Variants in RGS5 observed in about 807,000 individuals in gnomAD.
RGS5 encodes the protein regulator of G-protein signalling 5.
In RGS5, 20 loss-of-function variants were observed where a neutral mutation model predicts 18.9. The ratio of observed to expected loss-of-function variants is 1.06; its 90% CI spans 0.74 to 1.54. RGS5 has a LOEUF of 1.54. RGS5 is among the 40% of genes most tolerant of loss of function. The pLI is 0.00. For synonymous variants in RGS5, 57 were observed against 76.2 expected, an observed-to-expected ratio of 0.75 and a Z score of 1.31; for missense variants, 201 against 211.8, an observed-to-expected ratio of 0.95 and a Z score of 0.32.
intron 1 of RGS5, among the ~76,000 whole-genome samples, chr1:163,172,168 TG>T (rs1208710600): frequency 1.3e-5 from 2 of 152,188 alleles, no homozygotes; most frequent in African/African-American, 4.8e-5. Context: ...GATAGAGGGA[TG>T]GATGTTGGAG....
In RGS5 at chr1:163,161,988, A is replaced by G. The variant is rs769973344; in HGVS notation, c.156-12T>C. ...CGTCCAGCGAGGTTCTACATCAATA[A>G]TAAGGAGAGAAAAGGGGTATGGCGT... On this transcript the variant is annotated splice_polypyrimidine_tract_variant and intron_variant, in intron 2 of 4. Coordinates refer to ENST00000313961, the MANE Select transcript of RGS5 (RefSeq NM_003617.4). The G allele has an allele frequency of 2.3e-5, 37 of 1,608,202 alleles. No individual in the cohort carries two copies. Among genetic ancestry groups the G allele is most frequent in the Middle Eastern group, 1.6e-4 (1 of 6,064 alleles).
intron 2 of RGS5, among the ~76,000 whole-genome samples, chr1:163,274,472 CT>C (rs777281446): frequency 8.6e-5 from 13 of 151,700 alleles, no homozygotes; most frequent in Non-Finnish European, 1.8e-4. Context: ...ACCTTTTCAT[CT>C]GCTTATCCAT....
chr1:163,271,661 T>G (rs1648722915), intron 2 of RGS5, among the ~76,000 whole-genome samples: 1 of 152,186 alleles, frequency 6.6e-6, no homozygotes, highest in Non-Finnish European at 1.5e-5. Flanking sequence ...ATTTTGTTGT[T>G]TGGACACACC....
intron 2 of RGS5, among the ~76,000 whole-genome samples, chr1:163,164,083 G>A (rs1472050190): frequency 6.6e-6 from 1 of 152,086 alleles, no homozygotes; most frequent in Non-Finnish European, 1.5e-5. Flanking sequence ...GGGTGAAATT[G>A]GTCCAAATTG....
intron 1 of RGS5, among the ~76,000 whole-genome samples, chr1:163,196,337 CA>C (rs761606816): frequency 1.4e-4 from 21 of 152,136 alleles, no homozygotes; most frequent in South Asian, 2.1e-4. Context: ...GCAGTACAGA[CA>C]AAAACCATTA....
rs149272840 is a variant in RGS5, at chr1:163,232,642, T to C, written c.-280-64274A>G. ...CTGTCTCTTCAATCTGTTAATATGC[T>C]GTGCCTTCTATTTCATTAACTTACC... On this transcript the variant is annotated intron_variant, in intron 2 of 5. Coordinates refer to the RGS5 transcript ENST00000618415. 3.5e-3 allele frequency among the ~76,000 whole-genome samples: 538 copies of C among 152,336 alleles called. 2 individuals carry two copies. The highest frequency in any genetic ancestry group is 6.2e-3 in the Non-Finnish European group (424 of 68,026).
At chr1:163,150,823 G>C (rs1208516220) in intron 4 of RGS5, among the ~76,000 whole-genome samples, 3 of 152,096 alleles carry the variant, frequency 2.0e-5, no homozygotes, top group Non-Finnish European at 4.4e-5. Context: ...AACACATTTA[G>C]GGTAACTCAT....
intron 1 of RGS5, among the ~76,000 whole-genome samples, chr1:163,188,018 A>C (rs752803708): frequency 2.6e-5 from 4 of 152,034 alleles, no homozygotes; most frequent in Non-Finnish European, 4.4e-5. Flanking sequence ...GTTTTTCCAG[A>C]AGTCGCAGAA....
intron 2 of RGS5, among the ~76,000 whole-genome samples, chr1:163,230,025 C>G (rs1253723195): frequency 6.6e-6 from 1 of 152,164 alleles, no homozygotes; most frequent in Non-Finnish European, 1.5e-5. Flanking sequence ...TAGAAACAAG[C>G]CTCTCTTCAT....
intron 1 of RGS5, among the ~76,000 whole-genome samples, chr1:163,209,670 CTAAT>C (rs574066702): frequency 1.4e-3 from 206 of 152,200 alleles, no homozygotes; most frequent in Middle Eastern, 3.4e-3. Context: ...ATTATGTCCT[CTAAT>C]TAATTTCTTA....
At chr1:163,296,076 C>A (rs4657259) in intron 2 of RGS5, among the ~76,000 whole-genome samples, 63,228 of 151,940 alleles carry the variant, frequency 0.42, 13,647 homozygotes, top group South Asian at 0.5. Context: ...TTTCTTATTA[C>A]AGTTCCAGTG....
At chr1:163,184,550 A>G (rs923085966) in intron 1 of RGS5, among the ~76,000 whole-genome samples, 8 of 152,200 alleles carry the variant, frequency 5.3e-5, no homozygotes, top group African/African-American at 1.9e-4. Context: ...ATCGCCCTCC[A>G]TGGTGGCAGA....
intron 1 of RGS5, among the ~76,000 whole-genome samples, chr1:163,185,552 T>C (rs927909940): frequency 6.6e-6 from 1 of 152,194 alleles, no homozygotes; most frequent in African/African-American, 2.4e-5. Flanking sequence ...CCTCCTGTCA[T>C]CCAGCTGTCT....
At chr1:163,314,612 A>T (rs192637630) in intron 1 of RGS5, among the ~76,000 whole-genome samples, 85 of 152,294 alleles carry the variant, frequency 5.6e-4, no homozygotes, top group African/African-American at 2.0e-3. Context: ...GATAGTTATT[A>T]TGAGTTTCAT....
intron 2 of RGS5, among the ~76,000 whole-genome samples, chr1:163,266,259 A>G (rs1648570161): frequency 6.6e-6 from 1 of 152,088 alleles, no homozygotes; most frequent in Admixed American, 6.6e-5. Context: ...CTCATTCATC[A>G]AATCCTATAT....
chr1:163,204,630 G>A (rs1659899071), upstream of RGS5, among the ~76,000 whole-genome samples: 1 of 152,148 alleles, frequency 6.6e-6, no homozygotes, highest in South Asian at 2.1e-4. Flanking sequence ...CACAATGTCA[G>A]GCACATAGAC....
chr1:163,223,749 C>T (rs1647275978), intron 2 of RGS5, among the ~76,000 whole-genome samples: 1 of 152,150 alleles, frequency 6.6e-6, no homozygotes, highest in South Asian at 2.1e-4. Context: ...ACACATTCCA[C>T]CAATTTGAAT....
At chr1:163,162,845 G>A (rs1261860906) in intron 2 of RGS5, 4 of 152,040 alleles carry the variant, frequency 2.6e-5, no homozygotes, top group Non-Finnish European at 5.9e-5. Flanking sequence ...CACACTCTTC[G>A]GCTCACCCAG....
upstream of RGS5, chr1:163,206,941 C>G (rs1378261216): frequency 6.6e-6 from 1 of 152,076 alleles, no homozygotes; most frequent in African/African-American, 2.4e-5. Context: ...TAATCTGCAT[C>G]TTTTGTTATT....
Sources: gnomAD v4.1 joint callset for allele counts (sites outside exome capture counted in the v4.1 genomes callset) on GRCh38, gnomAD v4.1.1 for gene constraint, MANE v1.5 for transcripts, NCBI Gene and HGNC (gene_info 2026-07-23, HGNC 2026-07-21) for gene names.